The following ZNF566 variants were observed in gnomAD, a reference collection of about 807,000 sequenced individuals.
ZNF566 encodes zinc finger protein 566.
A neutral mutation model predicts 32.8 loss-of-function variants in ZNF566; 27 were observed. The observed-to-expected ratio is 0.82, with a 90% CI of 0.61 to 1.14. ZNF566 has a LOEUF of 1.14. Among genes scored for constraint, ZNF566 ranks in the 50% most tolerant of loss-of-function variants. The probability of loss-of-function intolerance (pLI) is 0.00; values close to 1 mark genes in which losing one functional copy is unlikely to be tolerated. For missense variants in ZNF566, 402 were observed against 490.4 expected, an observed-to-expected ratio of 0.82 and a Z score of 1.70; for synonymous variants, 154 against 159.5, an observed-to-expected ratio of 0.97 and a Z score of 0.26.
chr19:36,472,029 C>A (rs1426726497), intron 4 of ZNF566, among the ~76,000 whole-genome samples: 1 of 152,142 alleles, frequency 6.6e-6, no homozygotes, highest in Non-Finnish European at 1.5e-5. Flanking sequence ...CAGGGGTGAG[C>A]CACTGCACCC....
chr19:36,461,240 T>G (rs1447304962), intron 4 of ZNF566, among the ~76,000 whole-genome samples: 1 of 152,210 alleles, frequency 6.6e-6, no homozygotes, highest in East Asian at 1.9e-4. Context: ...GGCTGGTAAC[T>G]AATTCAGAAC....
chr19:36,469,863 A>G (rs982371072), intron 4 of ZNF566, among the ~76,000 whole-genome samples: 7 of 152,192 alleles, frequency 4.6e-5, no homozygotes, highest in African/African-American at 1.7e-4. Context: ...TTTTACAAAC[A>G]AGCATTGATT....
At chr19:36,488,129 C>G (rs2145719391) in intron 1 of ZNF566, among the ~76,000 whole-genome samples, 1 of 152,248 alleles carries the variant, frequency 6.6e-6, no homozygotes, top group Admixed American at 6.5e-5. Flanking sequence ...GTTGCCCAGG[C>G]TGAAGGGCAG....
chr19:36,482,552 T>C (rs925331090), intron 1 of ZNF566, among the ~76,000 whole-genome samples: 2 of 151,612 alleles, frequency 1.3e-5, no homozygotes, highest in Admixed American at 1.3e-4. Context: ...AAGAACTAAA[T>C]TGAGTAACTT....
intron 1 of ZNF566, among the ~76,000 whole-genome samples, chr19:36,484,924 T>C (rs1188194913): frequency 2.0e-5 from 3 of 152,086 alleles, no homozygotes; most frequent in South Asian, 2.1e-4. Context: ...CCCCACAAGA[T>C]ACTTATTCAA....
At chr19:36,451,234 A>T (rs2145634952) in intron 4 of ZNF566, among the ~76,000 whole-genome samples, 1 of 152,334 alleles carries the variant, frequency 6.6e-6, no homozygotes, top group Non-Finnish European at 1.5e-5. Flanking sequence ...ACTTTAAAAA[A>T]TGATAAGGAA....
At chr19:36,486,147 T>G (rs2034156904) in intron 1 of ZNF566, among the ~76,000 whole-genome samples, 1 of 152,034 alleles carries the variant, frequency 6.6e-6, no homozygotes, top group African/African-American at 2.4e-5. Context: ...TCCTAAAAGA[T>G]AAAAAGGATT....
Position 36,445,752 on chromosome 19 carries a change from G to C in ZNF566, c.*3225C>G. 6.6e-6 allele frequency: 1 copy of C among 152,242 alleles called. No homozygotes were observed. Among genetic ancestry groups the C allele is most frequent in the Non-Finnish European group, 1.5e-5 (1 of 68,094 alleles). The allele number at this position is 152,242 out of a possible 1,614,324, so 9.4% of individuals were successfully genotyped here. On this transcript the variant is annotated 3_prime_UTR_variant, in exon 5 of 5. Transcript: ENST00000452939. ...GAGAATCTCTTGAACCCGGGAGGCGGAGATTGCAGTAAGCCAAGATTGCGC... is the reference window on the plus strand; with the variant it reads ...GAGAATCTCTTGAACCCGGGAGGCGCAGATTGCAGTAAGCCAAGATTGCGC...
chr19:36,449,469 A>C lies in ZNF566; in HGVS notation c.765T>G (p.Tyr255Ter). The C allele has an allele frequency of 6.2e-7, 1 of 1,614,088 alleles. No homozygotes were observed. Among genetic ancestry groups the C allele is most frequent in the Non-Finnish European group, 8.5e-7 (1 of 1,180,010 alleles). ...AGGCTTTCCCACATTCCTTACATTC[A>C]TAGGGTTTCTCACCAGTGTGAATTC... The part of the protein sequence containing the change: ...HHRIHTGEKP[Y>*]ECKECGKAFS... The change falls in exon 5 of 5, where the codon TAT (tyrosine) becomes TAG (stop). Residue 255 changes from tyrosine (Y) to a stop codon, truncating the protein, a stop_gained. Coordinates refer to ENST00000452939, the MANE Select transcript of ZNF566 (RefSeq NM_001145344.1). LOFTEE classifies it high-confidence loss of function.
chr19:36,462,956 C>CAAAAAAAAAAA lies in ZNF566; in HGVS notation c.232+9944_232+9954dup, dbSNP rs755283751. ...TGGGTGACACAGCGAGACTCTGTCT[C>CAAAAAAAAAAA]AAAAAAAAAAAAAAAAAAAAAAAAA... On this transcript the variant is annotated intron_variant, in intron 4 of 4. Transcript: ENST00000452939. 5.7e-4 allele frequency among the ~76,000 whole-genome samples: 22 copies of CAAAAAAAAAAA among 38,562 alleles called. 2 individuals carry two copies. Among genetic ancestry groups the CAAAAAAAAAAA allele is most frequent in the Non-Finnish European group, 5.4e-4 (12 of 22,420 alleles). 25.3% of individuals were successfully genotyped at this position (38,562 alleles called of 152,430 possible).
intron 1 of ZNF566, among the ~76,000 whole-genome samples, chr19:36,481,419 C>G (rs1158749516): frequency 6.9e-6 from 1 of 145,592 alleles, no homozygotes; most frequent in Admixed American, 7.2e-5. Context: ...TGCAGTGAGC[C>G]GAGATCGCGC....
Position 36,449,148 on chromosome 19 carries a change from A to C in ZNF566, c.1086T>G (p.Thr362=). 1.9e-6 allele frequency: 3 copies of C among 1,614,120 alleles called. No homozygotes were observed. Among genetic ancestry groups the C allele is most frequent in the Non-Finnish European group, 2.5e-6 (3 of 1,180,002 alleles). Residue 362 remains threonine, a synonymous_variant, in exon 5 of 5, where the codon ACT becomes ACG. Coordinates refer to ENST00000452939, the MANE Select transcript of ZNF566 (RefSeq NM_001145344.1). ...TCTTACATTCATAGGGTTTCTCCCC[A>C]GTATGAATTCTCTGATGTCTAGTAA... ...SDLTRHQRIH[T]GEKPYECKIC... is the part of the protein sequence containing the mutation.
At chr19:36,452,821 T>C (rs777208452) in intron 4 of ZNF566, among the ~76,000 whole-genome samples, 1 of 152,114 alleles carries the variant, frequency 6.6e-6, no homozygotes, top group African/African-American at 2.4e-5. Context: ...AACTCTAGTA[T>C]AAAAGTTAGA....
In ZNF566 at chr19:36,450,316, C is replaced by T. The variant is rs79815891; in HGVS notation, c.233-315G>A. ...AAATATCTCATTGCATATATACACA[C>T]AGACATATAATAGCATCTCATAGTA... On this transcript the variant is annotated intron_variant, in intron 4 of 4. Coordinates refer to ENST00000452939, the MANE Select transcript of ZNF566 (RefSeq NM_001145344.1). Among the ~76,000 whole-genome samples the T allele has an allele frequency of 1.1e-3, 171 of 152,234 alleles. 3 individuals carry two copies. The East Asian group carries it at 0.02, about 18-fold the overall frequency.
At chr19:36,453,067 G>A (rs1417942399) in intron 4 of ZNF566, among the ~76,000 whole-genome samples, 1 of 150,302 alleles carries the variant, frequency 6.7e-6, no homozygotes, top group East Asian at 1.9e-4. Context: ...GCAGTGAGCT[G>A]AAATCTTGCC....
At chr19:36,470,788 T>A (rs1394581972) in intron 4 of ZNF566, among the ~76,000 whole-genome samples, 1 of 152,018 alleles carries the variant, frequency 6.6e-6, no homozygotes, top group Non-Finnish European at 1.5e-5. Context: ...CGGGTGCCTG[T>A]AATCCCAGCT....
intron 1 of ZNF566, among the ~76,000 whole-genome samples, chr19:36,478,262 G>C (rs1263041137): frequency 6.6e-6 from 1 of 152,104 alleles, no homozygotes; most frequent in Admixed American, 6.6e-5. Context: ...TAAGCTCTTA[G>C]TATTCTTTTA....
intron 4 of ZNF566, among the ~76,000 whole-genome samples, chr19:36,467,483 G>T (rs1276290132): frequency 2.7e-5 from 4 of 146,114 alleles, no homozygotes; most frequent in Non-Finnish European, 6.0e-5. Flanking sequence ...ACTTGAAAAT[G>T]TGTGCTAAAA....
intron 4 of ZNF566, among the ~76,000 whole-genome samples, chr19:36,471,680 T>C (rs2033769214): frequency 6.6e-6 from 1 of 152,010 alleles, no homozygotes; most frequent in African/African-American, 2.4e-5. Flanking sequence ...ATGTTATATA[T>C]TCATCTATTT....
Sources: gnomAD v4.1 joint callset for allele counts (sites outside exome capture counted in the v4.1 genomes callset) on GRCh38, gnomAD v4.1.1 for gene constraint, MANE v1.5 for transcripts, NCBI Gene and HGNC (gene_info 2026-07-23, HGNC 2026-07-21) for gene names.